WBP2NL: variants seen among roughly 807,000 people sequenced by gnomAD.
WBP2NL encodes WBP2 N-terminal like.
WBP2NL carries 27 observed loss-of-function variants against 23.3 expected under a neutral mutation model. That is an observed-to-expected ratio of 1.16 (90% confidence interval 0.85 to 1.60). The LOEUF (loss-of-function observed/expected upper bound fraction) is 1.60, where lower values mean the gene tolerates loss of function less well. Among genes scored for constraint, WBP2NL ranks in the 40% most tolerant of loss-of-function variants. The pLI is 0.00. For missense variants in WBP2NL, 370 were observed against 389.5 expected (o/e 0.95, Z 0.42); for synonymous variants, 151 against 145.9 (o/e 1.03, Z -0.25).
chr22:42,020,892 ATATATATATATATATATTTTTTTTTTTTT>A (rs1569450025), intron 4 of WBP2NL, among the ~76,000 whole-genome samples: 8 of 43,050 alleles, frequency 1.9e-4, no homozygotes, highest in African/African-American at 9.1e-4. Flanking sequence ...ATATATATAT[ATATATATATATATATATTTTTTTTTTTTT>A]TTTTTTTTTT....
At chr22:42,022,425 T>C in intron 5 of WBP2NL, 69 bp downstream of exon 5, 2 of 1,350,002 alleles carry the variant, frequency 1.5e-6, no homozygotes, top group Non-Finnish European at 2.1e-6. Flanking sequence ...GATCTATCCC[T>C]TGCAGGCTTG....
intron 8 of WBP2NL, among the ~76,000 whole-genome samples, chr22:42,045,565 A>G (rs1460115700): frequency 6.6e-6 from 1 of 152,272 alleles, no homozygotes; most frequent in Non-Finnish European, 1.5e-5. Flanking sequence ...CATGGGCATT[A>G]CAAGGATTAT....
intron 1 of WBP2NL, among the ~76,000 whole-genome samples, chr22:42,004,784 G>A (rs1922051145): frequency 1.3e-5 from 2 of 151,978 alleles, no homozygotes; most frequent in Non-Finnish European, 2.9e-5. Context: ...AATTAGCTGG[G>A]TGTGGTGGTG....
intron 2 of WBP2NL, 60 bp downstream of exon 2, chr22:42,019,479 A>T: frequency 1.3e-6 from 2 of 1,576,352 alleles, no homozygotes; most frequent in East Asian, 4.5e-5. Flanking sequence ...CCTTGAAATG[A>T]AGAAAACTTA....
At chr22:42,045,554 C>T (rs1467500628) in intron 8 of WBP2NL, among the ~76,000 whole-genome samples, 1 of 152,124 alleles carries the variant, frequency 6.6e-6, no homozygotes, top group African/African-American at 2.4e-5. Context: ...ACTGTTGATC[C>T]CATGGGCATT....
chr22:42,019,406 T>G lies in WBP2NL; in HGVS notation c.158T>G (p.Leu53Arg), dbSNP rs866722055. Residue 53 changes from leucine (L) to arginine (R), a missense_variant, in exon 2 of 6, where the codon CTC (leucine) becomes CGC (arginine). Transcript: ENST00000328823. ...FSGRKTGTLF[L>R]TSYRVIFITS... is the part of the protein sequence containing the mutation. The stretch of plus-strand genomic sequence containing the variant: ...GGTAGAAAGACAGGAACATTGTTTC[T>G]CACTTCATACCGGGTAATTTCTACT... 1 of 1,614,062 alleles carries G rather than the reference T, an allele frequency of 6.2e-7. No individual in the cohort carries two copies. The highest frequency in any genetic ancestry group is 8.5e-7 in the Non-Finnish European group (1 of 1,179,930).
chr22:42,053,919 G>GT (rs1925933385), intron 8 of WBP2NL, among the ~76,000 whole-genome samples: 1 of 151,986 alleles, frequency 6.6e-6, no homozygotes, highest in South Asian at 2.1e-4. Flanking sequence ...ATTTACAAAT[G>GT]CTGCATCCCA....
chr22:42,056,292 A>T (rs1231839794), intron 8 of WBP2NL, among the ~76,000 whole-genome samples: 4 of 152,034 alleles, frequency 2.6e-5, no homozygotes, highest in Non-Finnish European at 5.9e-5. Flanking sequence ...TTTGCTTCTT[A>T]TATAGCTGTT....
At chr22:42,037,029 T>G (rs971326228), downstream of WBP2NL, among the ~76,000 whole-genome samples, 1 of 152,148 alleles carries the variant, frequency 6.6e-6, no homozygotes, top group East Asian at 1.9e-4. Flanking sequence ...GTTTTCCCAA[T>G]GTTTTCTTCG....
intron 8 of WBP2NL, among the ~76,000 whole-genome samples, chr22:42,058,042 G>C: frequency 6.9e-6 from 1 of 144,388 alleles, no homozygotes; most frequent in Non-Finnish European, 1.5e-5. Context: ...TCAGCCTCCC[G>C]AGTGGCTGGG....
chr22:42,002,884 TCCC>T (rs1921843479), intron 1 of WBP2NL: 1 of 152,094 alleles, frequency 6.6e-6, no homozygotes, highest in Admixed American at 6.6e-5. Context: ...ACATCTGTAG[TCCC>T]ACCTATTCGA....
intron 1 of WBP2NL, among the ~76,000 whole-genome samples, chr22:42,007,741 T>C (rs142423537): frequency 6.4e-4 from 97 of 152,362 alleles, no homozygotes; most frequent in Non-Finnish European, 1.1e-3. Flanking sequence ...TTTCCTTCTT[T>C]TAAGGTTGAA....
In WBP2NL at chr22:41,998,847, A is replaced by G. The variant is rs573119026; in HGVS notation, c.29A>G (p.Asn10Ser). 1.2e-6 allele frequency: 2 copies of G among 1,612,130 alleles called. No homozygotes were observed. Among genetic ancestry groups the G allele is most frequent in the Non-Finnish European group, 1.7e-6 (2 of 1,178,900 alleles). ...GCGGTGAATCAGAGCCACACCGAGA[A>G]CCGCCGCGGAGCCCTCATCCCTAAC... The part of the protein sequence containing the change: MAVNQSHTE[N>S]RRGALIPNGE... Residue 10 changes from asparagine to serine, a missense_variant, in exon 1 of 6, where the codon AAC becomes AGC. Transcript: ENST00000328823.
chr22:42,022,106 T>A (rs9607869), intron 4 of WBP2NL, 143 bp from the exon 5 acceptor site: 193,833 of 690,212 alleles, frequency 0.28, 29,848 homozygotes, highest in Admixed American at 0.42. Flanking sequence ...AGCCCATGTT[T>A]CTTTTTTATC....
chr22:42,034,153 G>A (rs934509717), downstream of WBP2NL, among the ~76,000 whole-genome samples: 4 of 152,242 alleles, frequency 2.6e-5, no homozygotes, highest in African/African-American at 9.6e-5. Flanking sequence ...GCCCAACTTT[G>A]CTCTGAGATC....
At chr22:42,049,700 CAAAACAAAAA>C (rs1396914138) in intron 8 of WBP2NL, among the ~76,000 whole-genome samples, 38 of 36,478 alleles carry the variant, frequency 1.0e-3, no homozygotes, top group African/African-American at 2.7e-3. Flanking sequence ...CAAAACAAAA[CAAAACAAAAA>C]AAAAAAAAAA....
At chr22:42,035,403 G>C (rs1925143593), downstream of WBP2NL, among the ~76,000 whole-genome samples, 1 of 152,226 alleles carries the variant, frequency 6.6e-6, no homozygotes, top group Admixed American at 6.5e-5. Context: ...GGGATGCCTG[G>C]GTCTGCAGCC....
chr22:42,049,965 A>C lies in WBP2NL; in HGVS notation c.*274-8325A>C, dbSNP rs1336409349. Among the ~76,000 whole-genome samples the C allele has an allele frequency of 7.6e-5, 10 of 130,976 alleles. No individual in the cohort carries two copies. The East Asian group carries it at 2.1e-3, about 28-fold the overall frequency. 85.9% of individuals were successfully genotyped at this position (130,976 alleles called of 152,430 possible). A position where few individuals can be genotyped will look rare whatever the true frequency, so the allele number is the denominator to read the frequency against. On this transcript the variant is annotated intron_variant and NMD_transcript_variant, in intron 8 of 8. Transcript: ENST00000436265. ...GCACTCCGGCCTGGGCAAAGAAGCG[A>C]GACTCCGTCTCAAAAAAAAAAAAAA...
At chr22:42,041,752 A>G (rs576434489) in intron 8 of WBP2NL, among the ~76,000 whole-genome samples, 14 of 152,088 alleles carry the variant, frequency 9.2e-5, no homozygotes, top group Non-Finnish European at 2.1e-4. Flanking sequence ...ACAGTGTTAT[A>G]TTATTTTGTA....
Sources: gnomAD v4.1 joint callset for allele counts (sites outside exome capture counted in the v4.1 genomes callset) on GRCh38, gnomAD v4.1.1 for gene constraint, MANE v1.5 for transcripts, NCBI Gene and HGNC (gene_info 2026-07-23, HGNC 2026-07-21) for gene names.